GALNT13: variants seen among roughly 807,000 people sequenced by gnomAD.
GALNT13 encodes UDP-GalNAc:polypeptide N-acetylgalactosaminyltransferase 13.
Under a neutral mutation model 64.2 loss-of-function variants are expected in GALNT13, and 28 were observed. The ratio of observed to expected loss-of-function variants is 0.44; its 90% confidence interval spans 0.32 to 0.60. GALNT13 has a LOEUF of 0.60. GALNT13 is among the 20% of genes least tolerant of loss of function. The pLI, the probability that GALNT13 is intolerant of heterozygous loss-of-function variation, is 0.05. For synonymous variants in GALNT13, 214 were observed against 224.6 expected, an observed-to-expected ratio of 0.95 and a Z score of 0.42; for missense variants, 577 against 669.8, an observed-to-expected ratio of 0.86 and a Z score of 1.53.
At chr2:154,270,706 C>CT (rs890473281) in intron 8 of GALNT13, among the ~76,000 whole-genome samples, 7 of 150,926 alleles carry the variant, frequency 4.6e-5, no homozygotes, top group African/African-American at 7.3e-5. Context: ...TGCACTGAAC[C>CT]TTTTTTTTTC....
the GALNT13 span, among the ~76,000 whole-genome samples, chr2:153,579,184 G>A: frequency 6.6e-6 from 1 of 152,152 alleles, no homozygotes; most frequent in Non-Finnish European, 1.5e-5. Context: ...AAACTATCCT[G>A]AGTGGCTAGT....
chr2:153,828,056 G>A, the GALNT13 span, among the ~76,000 whole-genome samples: 1 of 152,224 alleles, frequency 6.6e-6, no homozygotes. Flanking sequence ...GATGCAAGAG[G>A]CAGGTTCCCA....
chr2:153,175,476 G>A, the GALNT13 span, among the ~76,000 whole-genome samples: 6 of 152,076 alleles, frequency 3.9e-5, no homozygotes, highest in African/African-American at 7.2e-5. Flanking sequence ...ATTAATTGAC[G>A]GGAGCCTATG....
chr2:154,266,403 A>G (rs1305328929), intron 8 of GALNT13, among the ~76,000 whole-genome samples: 1 of 152,140 alleles, frequency 6.6e-6, no homozygotes, highest in Non-Finnish European at 1.5e-5. Context: ...AACAAATAAG[A>G]CAGTCTTCTT....
chr2:153,865,541 C>A, the GALNT13 span, among the ~76,000 whole-genome samples: 3 of 94,122 alleles, frequency 3.2e-5, no homozygotes, highest in African/African-American at 1.3e-4. Context: ...ATTTATGCAG[C>A]CAAAAAACAC....
chr2:153,959,844 T>A (rs1009966810), intron 3 of GALNT13, among the ~76,000 whole-genome samples: 4 of 151,756 alleles, frequency 2.6e-5, no homozygotes, highest in Non-Finnish European at 4.4e-5. Context: ...CCAATGGACT[T>A]TACTGCTGGG....
the GALNT13 span, among the ~76,000 whole-genome samples, chr2:153,643,268 A>G: frequency 1.2e-4 from 18 of 151,666 alleles, no homozygotes; most frequent in African/African-American, 4.1e-4. Context: ...TGTGATGTAC[A>G]AAAGATGGAA....
intron 4 of GALNT13, among the ~76,000 whole-genome samples, chr2:154,197,731 TA>T (rs11356034): frequency 0.33 from 48,928 of 149,690 alleles, 8,393 homozygotes; most frequent in Middle Eastern, 0.44. Context: ...AGCATCCAGT[TA>T]AAAAAAAAAT....
intron 9 of GALNT13, among the ~76,000 whole-genome samples, chr2:154,383,653 C>A (rs1698378262): frequency 6.6e-6 from 1 of 151,984 alleles, no homozygotes; most frequent in Admixed American, 6.6e-5. Flanking sequence ...TGACTAAATA[C>A]AGACTAGACC....
At chr2:154,311,626 G>T (rs1006008453) in intron 9 of GALNT13, among the ~76,000 whole-genome samples, 1 of 152,172 alleles carries the variant, frequency 6.6e-6, no homozygotes, top group Non-Finnish European at 1.5e-5. Context: ...TCAGGACACA[G>T]GGTTTTGAGA....
chr2:153,769,954 CTTT>C, the GALNT13 span, among the ~76,000 whole-genome samples: 1 of 152,046 alleles, frequency 6.6e-6, no homozygotes, highest in Non-Finnish European at 1.5e-5. Flanking sequence ...TCAATCTCTT[CTTT>C]ATATTCTGAA....
At chr2:153,612,039 T>A in the GALNT13 span, among the ~76,000 whole-genome samples, 1 of 152,152 alleles carries the variant, frequency 6.6e-6, no homozygotes, top group Non-Finnish European at 1.5e-5. Flanking sequence ...CATGAACTCA[T>A]CCTTTTTTAT....
At chr2:153,546,026 A>T in the GALNT13 span, among the ~76,000 whole-genome samples, 2 of 152,168 alleles carry the variant, frequency 1.3e-5, no homozygotes, top group Admixed American at 6.5e-5. Context: ...ACCTTGGAAG[A>T]TACTCTCTTC....
the GALNT13 span, among the ~76,000 whole-genome samples, chr2:153,126,149 T>G: frequency 6.6e-6 from 1 of 151,694 alleles, no homozygotes; most frequent in Admixed American, 6.6e-5. Flanking sequence ...AATAATTTTG[T>G]TCTCTTGAGG....
chr2:153,393,339 T>C, the GALNT13 span, among the ~76,000 whole-genome samples: 2 of 152,016 alleles, frequency 1.3e-5, no homozygotes, highest in African/African-American at 4.8e-5. Flanking sequence ...CTTTGTCTTG[T>C]TTCATTTTGC....
the GALNT13 span, among the ~76,000 whole-genome samples, chr2:153,155,712 A>C: frequency 2.0e-5 from 3 of 151,868 alleles, no homozygotes; most frequent in African/African-American, 7.3e-5. Context: ...TTGTGTTGCT[A>C]TCTCCTTCAG....
intron 3 of GALNT13, among the ~76,000 whole-genome samples, chr2:153,962,203 G>T (rs1692993766): frequency 6.6e-6 from 1 of 152,046 alleles, no homozygotes; most frequent in South Asian, 2.1e-4. Flanking sequence ...TTTTCCTTCA[G>T]AACCTGCCTT....
chr2:153,320,353 C>G, the GALNT13 span, among the ~76,000 whole-genome samples: 1 of 152,192 alleles, frequency 6.6e-6, no homozygotes, highest in Non-Finnish European at 1.5e-5. Flanking sequence ...TATTTGTTCA[C>G]TTATTCATCC....
intron 4 of GALNT13, among the ~76,000 whole-genome samples, chr2:154,198,672 A>G (rs1280369418): frequency 6.6e-6 from 1 of 151,974 alleles, no homozygotes; most frequent in Non-Finnish European, 1.5e-5. Flanking sequence ...CTGAAATTAC[A>G]GAACAGAATA....
Sources: gnomAD v4.1 joint callset for allele counts (sites outside exome capture counted in the v4.1 genomes callset) on GRCh38, gnomAD v4.1.1 for gene constraint, MANE v1.5 for transcripts, NCBI Gene and HGNC (gene_info 2026-07-23, HGNC 2026-07-21) for gene names.